STPG2: variants seen among roughly 807,000 people sequenced by gnomAD.
STPG2 encodes sperm tail PG-rich repeat containing 2.
Under a neutral mutation model 54.2 loss-of-function variants are expected in STPG2, and 56 were observed. The ratio of observed to expected loss-of-function variants is 1.03; its 90% CI spans 0.83 to 1.29. STPG2 has a LOEUF of 1.29. Ranked by LOEUF, STPG2 falls within the 50% of genes most tolerant of loss-of-function variation. The pLI is 0.00. For synonymous variants in STPG2, 200 were observed against 181.8 expected (o/e 1.10, Z -0.81); for missense variants, 596 against 544.9 (o/e 1.09, Z -0.93).
At chr4:97,654,820 C>CAT (rs10681764) in intron 10 of STPG2, among the ~76,000 whole-genome samples, 20,636 of 151,556 alleles carry the variant, frequency 0.14, 4,077 homozygotes, top group African/African-American at 0.44. Context: ...TCATAAATAA[C>CAT]AATAATCAAA....
intron 5 of STPG2, among the ~76,000 whole-genome samples, chr4:98,033,635 G>T (rs1403958019): frequency 6.6e-6 from 1 of 151,936 alleles, no homozygotes; most frequent in African/African-American, 2.4e-5. Context: ...CCAAAACCTG[G>T]CAGAGACAAC....
At chr4:97,763,758 T>C (rs1401746664) in intron 9 of STPG2, among the ~76,000 whole-genome samples, 1 of 152,174 alleles carries the variant, frequency 6.6e-6, no homozygotes, top group Non-Finnish European at 1.5e-5. Flanking sequence ...ATTCATTCCA[T>C]GTGATATTAT....
intron 9 of STPG2, among the ~76,000 whole-genome samples, chr4:97,734,662 T>C (rs954706645): frequency 6.6e-6 from 1 of 152,158 alleles, no homozygotes; most frequent in African/African-American, 2.4e-5. Flanking sequence ...AAGGATCAAA[T>C]GTGGTGCAGG....
chr4:97,911,993 A>G (rs935094719), intron 8 of STPG2, among the ~76,000 whole-genome samples: 13 of 152,278 alleles, frequency 8.5e-5, no homozygotes, highest in Admixed American at 7.8e-4. Context: ...GCAGGCTGCC[A>G]TCTTTACTGT....
chr4:97,678,493 A>T (rs1427587449), intron 10 of STPG2, among the ~76,000 whole-genome samples: 1 of 152,162 alleles, frequency 6.6e-6, no homozygotes, highest in Non-Finnish European at 1.5e-5. Context: ...GTATTAAACA[A>T]TGTAATCAGC....
chr4:98,031,715 T>C (rs924714491), intron 5 of STPG2, among the ~76,000 whole-genome samples: 1 of 151,698 alleles, frequency 6.6e-6, no homozygotes, highest in Non-Finnish European at 1.5e-5. Flanking sequence ...AAAAAGTAAA[T>C]AACTGGGACT....
At chr4:98,103,596 G>A (rs570491012) in intron 5 of STPG2, among the ~76,000 whole-genome samples, 8 of 151,412 alleles carry the variant, frequency 5.3e-5, no homozygotes, top group South Asian at 4.1e-4. Flanking sequence ...AGCCGAGATC[G>A]TACCATTGCA....
At chr4:97,452,089 G>T (rs1484091179) in intron 4 of STPG2, among the ~76,000 whole-genome samples, 3 of 129,354 alleles carry the variant, frequency 2.3e-5, no homozygotes, top group Non-Finnish European at 4.7e-5. Flanking sequence ...CAGTCCTCCT[G>T]CTCCATAGAG....
At chr4:97,789,733 A>G (rs1726934239) in intron 9 of STPG2, among the ~76,000 whole-genome samples, 1 of 152,176 alleles carries the variant, frequency 6.6e-6, no homozygotes, top group Non-Finnish European at 1.5e-5. Context: ...TAGATGTCAT[A>G]ATTCTCTAAT....
At chr4:98,103,375 C>T (rs1739100171) in intron 5 of STPG2, among the ~76,000 whole-genome samples, 1 of 152,078 alleles carries the variant, frequency 6.6e-6, no homozygotes, top group South Asian at 2.1e-4. Context: ...GGCGTGGTGA[C>T]TCACACCTGT....
At chr4:97,602,243 T>C (rs1054466262) in intron 10 of STPG2, among the ~76,000 whole-genome samples, 6 of 151,842 alleles carry the variant, frequency 4.0e-5, no homozygotes, top group Non-Finnish European at 8.9e-5. Context: ...CTATCACTAA[T>C]GTTTCCCATA....
chr4:97,566,812 C>T (rs1478180679), intron 10 of STPG2, among the ~76,000 whole-genome samples: 2 of 146,944 alleles, frequency 1.4e-5, no homozygotes, highest in African/African-American at 2.6e-5. Flanking sequence ...TATTCTCACT[C>T]ATAGGTAGGA....
At chr4:97,667,043 T>G (rs986602945) in intron 10 of STPG2, among the ~76,000 whole-genome samples, 3 of 152,188 alleles carry the variant, frequency 2.0e-5, no homozygotes, top group Admixed American at 2.0e-4. Flanking sequence ...CAACCTATGT[T>G]TCTAAAGCAG....
chr4:97,855,893 G>C (rs1354973569), intron 8 of STPG2, among the ~76,000 whole-genome samples: 1 of 152,184 alleles, frequency 6.6e-6, no homozygotes, highest in East Asian at 1.9e-4. Flanking sequence ...TGGCTAGCCA[G>C]TTCTTTTAGC....
At chr4:97,768,547 G>T (rs1323147859) in intron 9 of STPG2, among the ~76,000 whole-genome samples, 1 of 152,162 alleles carries the variant, frequency 6.6e-6, no homozygotes, top group South Asian at 2.1e-4. Flanking sequence ...GTGCACATGT[G>T]CAATTGTGCT....
intron 6 of STPG2, among the ~76,000 whole-genome samples, chr4:97,979,048 G>GT (rs1734583788): frequency 6.6e-6 from 1 of 152,130 alleles, no homozygotes; most frequent in Non-Finnish European, 1.5e-5. Context: ...AGCCTCACAG[G>GT]TGATTTAAAA....
At chr4:97,639,241 A>G (rs1721676253) in intron 10 of STPG2, among the ~76,000 whole-genome samples, 1 of 152,008 alleles carries the variant, frequency 6.6e-6, no homozygotes, top group Admixed American at 6.6e-5. Context: ...AAACTATCGC[A>G]AGAACAAAAC....
chr4:97,995,447 T>C (rs1186192252), intron 5 of STPG2, among the ~76,000 whole-genome samples: 1 of 152,190 alleles, frequency 6.6e-6, no homozygotes, highest in African/African-American at 2.4e-5. Flanking sequence ...AGCTGCAAGT[T>C]AGTCCTGCCT....
intron 4 of STPG2, among the ~76,000 whole-genome samples, chr4:97,465,495 T>A (rs1729766408): frequency 6.6e-6 from 1 of 152,158 alleles, no homozygotes; most frequent in Non-Finnish European, 1.5e-5. Flanking sequence ...TGTGTTCTAT[T>A]ATATCATTTG....
Sources: gnomAD v4.1 joint callset for allele counts (sites outside exome capture counted in the v4.1 genomes callset) on GRCh38, gnomAD v4.1.1 for gene constraint, MANE v1.5 for transcripts, NCBI Gene and HGNC (gene_info 2026-07-23, HGNC 2026-07-21) for gene names.